Variants in APOBEC3H observed in about 807,000 individuals in gnomAD.
APOBEC3H encodes apolipoprotein B mRNA editing enzyme catalytic subunit 3H.
APOBEC3H carries 8 observed loss-of-function variants against 21.2 expected under a neutral mutation model. The observed-to-expected ratio is 0.38, with a 90% CI of 0.22 to 0.68. The LOEUF is 0.68. APOBEC3H is among the 30% of genes least tolerant of loss of function. The probability of loss-of-function intolerance (pLI) is 0.52; values close to 1 mark genes in which losing one functional copy is unlikely to be tolerated. For missense variants in APOBEC3H, 229 were observed against 228.1 expected (o/e 1.00, Z -0.03); for synonymous variants, 88 against 91.0 (o/e 0.97, Z 0.19).
intron 2 of APOBEC3H, 183 bp downstream of exon 2, chr22:39,100,611 CT>C: frequency 2.7e-6 from 2 of 746,138 alleles, no homozygotes; most frequent in Non-Finnish European, 4.2e-6. Context: ...CCCAGTTTCC[CT>C]AGGACACTCC....
chr22:39,103,793 G>C lies in APOBEC3H; in HGVS notation c.*96G>C. On this transcript the variant is annotated 3_prime_UTR_variant, in exon 5 of 5. Coordinates refer to ENST00000442487, the MANE Select transcript of APOBEC3H (RefSeq NM_181773.5). ...GCAACTCAAGATGACTTTCCCTGGGGCATGTCAGTTGCCTCATAGCCTGCT... is the reference window on the plus strand; with the variant it reads ...GCAACTCAAGATGACTTTCCCTGGGCCATGTCAGTTGCCTCATAGCCTGCT... The C allele has an allele frequency of 6.7e-7, 1 of 1,499,642 alleles. No individual in the cohort carries two copies. The highest frequency in any genetic ancestry group is 1.1e-5 in the South Asian group (1 of 88,780). The allele number at this position is 1,499,642 out of a possible 1,614,324, so 92.9% of individuals were successfully genotyped here. A position where few individuals can be genotyped will look rare whatever the true frequency, so the allele number is the denominator to read the frequency against.
At chr22:39,101,032 G>A (rs1056623556) in intron 2 of APOBEC3H, among the ~76,000 whole-genome samples, 12 of 152,132 alleles carry the variant, frequency 7.9e-5, no homozygotes, top group Admixed American at 3.3e-4. Context: ...TAACACACGG[G>A]TGCGTGAGTG....
intron 2 of APOBEC3H, 46 bp from the exon 3 acceptor site, chr22:39,101,191 C>CCT: frequency 7.7e-7 from 1 of 1,291,494 alleles, no homozygotes; most frequent in Non-Finnish European, 1.0e-6. Context: ...TGACTCCTGG[C>CCT]CTCTCTCTTC....
At chr22:39,100,655 C>G (rs1314746881) in intron 2 of APOBEC3H, 1 of 552,658 alleles carries the variant, frequency 1.8e-6, no homozygotes, top group Non-Finnish European at 3.2e-6. Context: ...TCTGAAGAGG[C>G]CAACCCTTCT....
intron 1 of APOBEC3H, 61 bp downstream of exon 1, chr22:39,097,404 C>T (rs1030576058): frequency 6.5e-6 from 1 of 153,606 alleles, no homozygotes; most frequent in Non-Finnish European, 1.4e-5. Flanking sequence ...GGCAGCCCTT[C>T]TGTGCCTCAG....
chr22:39,098,990 G>T (rs1038559197), intron 1 of APOBEC3H, among the ~76,000 whole-genome samples: 1 of 152,124 alleles, frequency 6.6e-6, no homozygotes, highest in South Asian at 2.1e-4. Flanking sequence ...GGTCAAAGGA[G>T]TTCAAGACCA....
intron 4 of APOBEC3H, 108 bp from the exon 5 acceptor site, chr22:39,103,581 G>A (rs1929489952): frequency 1.7e-6 from 2 of 1,211,610 alleles, no homozygotes; most frequent in Admixed American, 1.7e-5. Flanking sequence ...GGCCCTTCTG[G>A]TGCCAGTTCT....
chr22:39,101,526 T>C, intron 3 of APOBEC3H, 22 bp downstream of exon 3: 1 of 1,585,252 alleles, frequency 6.3e-7, no homozygotes, highest in Non-Finnish European at 8.6e-7. Flanking sequence ...GCTTTGCAGT[T>C]ATAAGAGTGC....
chr22:39,100,464 G>A (rs1182589433), intron 2 of APOBEC3H, 36 bp downstream of exon 2: 5 of 1,603,612 alleles, frequency 3.1e-6, no homozygotes, highest in Non-Finnish European at 4.3e-6. Context: ...GGGCCGGCAG[G>A]GGCTAACCCC....
chr22:39,097,592 G>A (rs67577561), intron 1 of APOBEC3H, among the ~76,000 whole-genome samples: 11,266 of 152,268 alleles, frequency 0.074, 811 homozygotes, highest in African/African-American at 0.19. Context: ...TCTCCCCTAA[G>A]AGTCATGGCT....
In APOBEC3H at chr22:39,100,343, C is replaced by G; in HGVS notation, c.65C>G (p.Pro22Arg). 6.2e-7 allele frequency: 1 copy of G among 1,614,074 alleles called. No homozygotes were observed. Among genetic ancestry groups the G allele is most frequent in the Non-Finnish European group, 8.5e-7 (1 of 1,180,010 alleles). The change falls in exon 2 of 5, where the codon CCT becomes CGT. Residue 22 changes from proline (P) to arginine (R), a missense_variant. By Grantham distance (103) the Pro-to-Arg change is moderately radical (BLOSUM62 -2). Coordinates refer to ENST00000442487, the MANE Select transcript of APOBEC3H (RefSeq NM_181773.5). ...QFNNKRRLRR[P>R]YYPRKALLCY... Reference sequence around the variant, plus strand: ...AACAACAAGCGCCGCCTCAGAAGGCCTTACTACCCGAGGAAGGCCCTCTTG... The same window carrying G: ...AACAACAAGCGCCGCCTCAGAAGGCGTTACTACCCGAGGAAGGCCCTCTTG...
At chr22:39,098,922 G>A (rs1280835859) in intron 1 of APOBEC3H, among the ~76,000 whole-genome samples, 1 of 152,130 alleles carries the variant, frequency 6.6e-6, no homozygotes, top group Admixed American at 6.5e-5. Context: ...GGCGGGGCGC[G>A]GTGGCTCACG....
intron 4 of APOBEC3H, among the ~76,000 whole-genome samples, chr22:39,103,010 A>G (rs139310): frequency 0.56 from 79,159 of 140,304 alleles, 25,054 homozygotes; most frequent in African/African-American, 0.84. Flanking sequence ...ACATGTGCTG[A>G]GCATGAGGAC....
In APOBEC3H at chr22:39,100,506, C is replaced by T; in HGVS notation, c.150+78C>T. The T allele has an allele frequency of 3.3e-6, 5 of 1,531,894 alleles. No individual in the cohort carries two copies. The South Asian group carries it at 4.8e-5, about 15-fold the overall frequency. The allele number at this position is 1,531,894 out of a possible 1,614,324, so 94.9% of individuals were successfully genotyped here. On this transcript the variant is annotated intron_variant, in intron 2 of 4. Transcript: ENST00000442487. ...TGTGTGCAGAAAATACATGAAATGC[C>T]TGCCTATAAATTTCTCAATTTTTGA...
At chr22:39,101,701 G>T (rs1363215433) in intron 3 of APOBEC3H, among the ~76,000 whole-genome samples, 197 bp downstream of exon 3, 1 of 112,420 alleles carries the variant, frequency 8.9e-6, no homozygotes, top group Non-Finnish European at 1.8e-5. Context: ...TTGGCAGGGG[G>T]TGGGGGGGTG....
chr22:39,100,923 A>T (rs1200984736), intron 2 of APOBEC3H, among the ~76,000 whole-genome samples: 1 of 151,782 alleles, frequency 6.6e-6, no homozygotes, highest in African/African-American at 2.4e-5. Flanking sequence ...GGGTCCACAG[A>T]GCTTCGGGAC....
In APOBEC3H at chr22:39,104,043, C is replaced by A; in HGVS notation, c.*346C>A. 2.9e-6 allele frequency: 1 copy of A among 348,972 alleles called. No homozygotes were observed. Among genetic ancestry groups the A allele is most frequent in the Non-Finnish European group, 5.3e-6 (1 of 189,058 alleles). 21.6% of individuals were successfully genotyped at this position (348,972 alleles called of 1,614,324 possible). ...CACTTTGGGAGGCTGAGATGCTCGG[C>A]CAATAAATTTCTATTGTTTATGAAT... On this transcript the variant is annotated 3_prime_UTR_variant, in exon 5 of 5. Transcript: ENST00000442487.
chr22:39,099,707 C>T lies in APOBEC3H; in HGVS notation c.-7-565C>T, dbSNP rs189414556. Among the ~76,000 whole-genome samples, 15 of 152,284 alleles carry T rather than the reference C, an allele frequency of 9.9e-5. No homozygotes were observed. In the South Asian group the frequency reaches 1.0e-3, roughly 11 times the overall value. Reference sequence around the variant, plus strand: ...AAGAGCCTCAGCTGTGGGCAGCAGCCGGTGCCCTCCCAGGTGGGAGGATGG... The same window carrying T: ...AAGAGCCTCAGCTGTGGGCAGCAGCTGGTGCCCTCCCAGGTGGGAGGATGG... On this transcript the variant is annotated intron_variant, in intron 1 of 4. Transcript: ENST00000442487.
At chr22:39,101,081 T>C (rs1420771080) in intron 2 of APOBEC3H, among the ~76,000 whole-genome samples, 156 bp from the exon 3 acceptor site, 1 of 151,556 alleles carries the variant, frequency 6.6e-6, no homozygotes, top group Non-Finnish European at 1.5e-5. Context: ...AAGCGGGTGC[T>C]TGCCCTGCAC....
Sources: gnomAD v4.1 joint callset for allele counts (sites outside exome capture counted in the v4.1 genomes callset) on GRCh38, gnomAD v4.1.1 for gene constraint, MANE v1.5 for transcripts, NCBI Gene and HGNC (gene_info 2026-07-23, HGNC 2026-07-21) for gene names.